MYH1: variants seen among roughly 807,000 people sequenced by gnomAD.
MYH1 encodes the protein myosin-1.
A neutral mutation model predicts 225.6 loss-of-function variants in MYH1; 214 were observed. That is an observed-to-expected ratio of 0.95 (90% CI 0.85 to 1.06). The LOEUF is 1.06. Ranked by LOEUF, MYH1 falls within the 50% of genes least tolerant of loss-of-function variation. MYH1 has a pLI of 0.00. For missense variants in MYH1, 2,098 were observed against 2,344.2 expected (o/e 0.89, Z 2.17); for synonymous variants, 774 against 842.3 (o/e 0.92, Z 1.40).
At position 10,501,358 on chromosome 17, in the gene MYH1, G is replaced by A. The variant is rs541063624; in HGVS notation, c.3490C>T (p.Gln1164Ter). Reference protein sequence around the residue: ...LEEAGGATSAQIEMNKKREAE... With the variant: ...LEEAGGATSA ...TCCCGCTTCTTGTTCATCTCAATCTGGGCTGAGGTGGCCCCACCGGCTTCT... is the reference window on the plus strand; with the variant it reads ...TCCCGCTTCTTGTTCATCTCAATCTAGGCTGAGGTGGCCCCACCGGCTTCT... The change falls in exon 27 of 40, where the codon CAG becomes TAG. Residue 1164 changes from glutamine (Q) to a stop codon, truncating the protein, a stop_gained. Transcript: ENST00000226207. LOFTEE classifies it high-confidence loss of function. 6.2e-7 allele frequency: 1 copy of A among 1,614,084 alleles called. No homozygotes were observed. Among genetic ancestry groups the A allele is most frequent in the East Asian group, 2.2e-5 (1 of 44,878 alleles).
rs543036753 is a variant in MYH1 at position 10,513,901 on chromosome 17, C to G, written c.661G>C (p.Asp221His). Residue 221 changes from aspartate (D) to histidine (H), a missense_variant, in exon 8 of 40, where the codon GAT becomes CAT. Transcript: ENST00000226207. ...TSGKMQGTLE[D>H]QIISANPLLE... ...AGGGGGTTGGCACTGATGATTTGAT[C>G]TTCCAGAGTCCCCTGCAAAGGCAAG... is the stretch of plus-strand genomic sequence containing the variant. 5 of 1,614,112 alleles carry G rather than the reference C, an allele frequency of 3.1e-6. No individual in the cohort carries two copies. The highest frequency in any genetic ancestry group is 3.3e-5 in the Admixed American group (2 of 60,008).
rs751257892 is a variant in MYH1 at position 10,503,070 on chromosome 17, T to C, written c.2870A>G (p.Asp957Gly). 5.0e-6 allele frequency: 8 copies of C among 1,613,098 alleles called. No homozygotes were observed. The African/African-American group carries it at 6.7e-5, about 13-fold the overall frequency. The part of the protein sequence containing the change: ...LEDECSELKK[D>G]IDDLELTLAK... ...CAGTGTCAGCTCAAGGTCATCAATGTCTTTCTTGAGTTCTGAACATTCATC... is the reference window on the plus strand; with the variant it reads ...CAGTGTCAGCTCAAGGTCATCAATGCCTTTCTTGAGTTCTGAACATTCATC... Residue 957 changes from aspartate (D) to glycine (G), a missense_variant, in exon 23 of 40, where the codon GAC (aspartate) becomes GGC (glycine). Asp to Gly is a moderately conservative substitution (Grantham distance 94). Transcript: ENST00000226207.
In MYH1 at chr17:10,512,756, G is replaced by T. The variant is rs571999841; in HGVS notation, c.933C>A (p.Tyr311Ter). Residue 311 changes from tyrosine (Y) to a stop codon, truncating the protein, a stop_gained, in exon 11 of 40, where the codon TAC becomes TAA. Transcript: ENST00000226207. LOFTEE classifies it high-confidence loss of function. ...CCCCTTGACTGACGAAGGCATAATC[G>T]TATGGGTTGGTGGTGATCAGGAGCA... ...IEMLLITTNP[Y>*]DYAFVSQGEI... The T allele has an allele frequency of 1.2e-6, 2 of 1,613,998 alleles. No homozygotes were observed. The highest frequency in any genetic ancestry group is 2.7e-5 in the African/African-American group (2 of 74,994).
chr17:10,516,047 G>C lies in MYH1; in HGVS notation c.384C>G (p.Pro128=). ...YSGLFCVTVN[P]YKWLPVYNAE... ...CATTATACACTGGCAACCACTTGTA[G>C]GGGTTGACAGTGACACAGAACAAGC... Residue 128 remains proline (P), a synonymous_variant, in exon 5 of 40, where the codon CCC becomes CCG. Coordinates refer to ENST00000226207, the MANE Select transcript of MYH1 (RefSeq NM_005963.4). 1 of 1,614,176 alleles carries C rather than the reference G, an allele frequency of 6.2e-7. No individual in the cohort carries two copies. The highest frequency in any genetic ancestry group is 8.5e-7 in the Non-Finnish European group (1 of 1,180,038).
chr17:10,502,526 G>C (rs996115727), intron 24 of MYH1, among the ~76,000 whole-genome samples: 1 of 151,722 alleles, frequency 6.6e-6, no homozygotes, highest in African/African-American at 2.4e-5. Flanking sequence ...CTTTTTACCC[G>C]TATTGTCTAT....
rs570311404 is a variant in MYH1, at chr17:10,501,428, G to C, written c.3420C>G (p.Arg1140=). The change falls in exon 27 of 40, where the codon CGC becomes CGG. Residue 1140 remains arginine (R), a synonymous_variant. Transcript: ENST00000226207. ...RASRAKAEKQ[R]SDLSRELEEI... ...CCTCCAGCTCCCGGGAGAGATCAGA[G>C]CGCTGCTTCTCTGCTTTGGCCCGGG... 6 of 1,614,242 alleles carry C rather than the reference G, an allele frequency of 3.7e-6. No individual in the cohort carries two copies. In the South Asian group the frequency reaches 5.5e-5, roughly 15 times the overall value.
chr17:10,509,425 T>A (rs940422926), intron 15 of MYH1, 60 bp downstream of exon 15: 2 of 1,604,050 alleles, frequency 1.2e-6, no homozygotes, highest in Non-Finnish European at 1.7e-6. Flanking sequence ...CAAGATTTTA[T>A]GATTTTCTTT....
chr17:10,505,432 A>C lies in MYH1; in HGVS notation c.2254T>G (p.Ser752Ala). Residue 752 changes from serine (S) to alanine (A), a missense_variant, in exon 20 of 40, where the codon TCC becomes GCC. Coordinates refer to ENST00000226207, the MANE Select transcript of MYH1 (RefSeq NM_005963.4). The stretch of plus-strand genomic sequence containing the variant: ...TACTGGGTGTGGTCAATGTCAATGG[A>C]CCCCAGGAGCTTCTCTGAAGCCTTC... ...SKKASEKLLG[S>A]IDIDHTQYKF... 6.2e-7 allele frequency: 1 copy of C among 1,614,172 alleles called. No individual in the cohort carries two copies. Among genetic ancestry groups the C allele is most frequent in the Non-Finnish European group, 8.5e-7 (1 of 1,180,026 alleles).
chr17:10,513,516 G>T (rs2073192990), intron 9 of MYH1, 110 bp downstream of exon 9: 2 of 1,052,460 alleles, frequency 1.9e-6, no homozygotes, highest in Admixed American at 1.8e-5. Flanking sequence ...AAGCATGTTT[G>T]GCAGCAGACT....
chr17:10,506,758 G>C (rs929651819), intron 17 of MYH1, among the ~76,000 whole-genome samples: 1 of 152,174 alleles, frequency 6.6e-6, no homozygotes, highest in African/African-American at 2.4e-5. Context: ...CTCCCAAAGT[G>C]CTGGGATTAC....
intron 35 of MYH1, 116 bp downstream of exon 35, chr17:10,495,834 T>G (rs567984166): frequency 4.8e-6 from 6 of 1,256,476 alleles, no homozygotes; most frequent in Non-Finnish European, 6.5e-6. Flanking sequence ...AATAAAATAT[T>G]TTAAACTTTA....
In MYH1 at chr17:10,501,260, C is replaced by A. The variant is rs1286272386; in HGVS notation, c.3588G>T (p.Leu1196=). Residue 1196 remains leucine (L), a synonymous_variant, in exon 27 of 40, where the codon CTG becomes CTT. Coordinates refer to ENST00000226207, the MANE Select transcript of MYH1 (RefSeq NM_005963.4). The part of the protein sequence containing the change: ...TLQHEATAAT[L]RKKHADSVAE... ...CCACACTATCTGCATGCTTCTTCCTCAGGGTGGCCGCCGTGGCTTCATGCT... is the reference window on the plus strand; with the variant it reads ...CCACACTATCTGCATGCTTCTTCCTAAGGGTGGCCGCCGTGGCTTCATGCT... 4 of 1,614,228 alleles carry A rather than the reference C, an allele frequency of 2.5e-6. No homozygotes were observed. Among genetic ancestry groups the A allele is most frequent in the Non-Finnish European group, 3.4e-6 (4 of 1,180,034 alleles).
At position 10,501,299 on chromosome 17, in the gene MYH1, C is replaced by T. The variant is rs1159016666; in HGVS notation, c.3549G>A (p.Glu1183=). 3 of 1,614,232 alleles carry T rather than the reference C, an allele frequency of 1.9e-6. No individual in the cohort carries two copies. The South Asian group carries it at 3.3e-5, about 18-fold the overall frequency. The change falls in exon 27 of 40, where the codon GAG becomes GAA. Residue 1183 remains glutamate (E), a synonymous_variant. Coordinates refer to ENST00000226207, the MANE Select transcript of MYH1 (RefSeq NM_005963.4). The part of the protein sequence containing the change: ...AEFQKMRRDL[E]EATLQHEATA... ...TGGCTTCATGCTGTAGGGTGGCCTC[C>T]TCCAGGTCCCTGCGCATTTTCTGGA... is the stretch of plus-strand genomic sequence containing the variant.
At chr17:10,500,987 T>C in intron 27 of MYH1, 123 bp downstream of exon 27, 1 of 1,475,764 alleles carries the variant, frequency 6.8e-7, no homozygotes, top group Admixed American at 2.0e-5. Context: ...TAAGTTGTAC[T>C]ATACGTGATA....
At position 10,516,646 on chromosome 17, in the gene MYH1, T is replaced by G. The variant is rs539877614; in HGVS notation, c.-4A>C. 3 of 1,614,214 alleles carry G rather than the reference T, an allele frequency of 1.9e-6. No homozygotes were observed. The highest frequency in any genetic ancestry group is 2.2e-5 in the East Asian group (1 of 44,884). Reference sequence around the variant, plus strand: ...CCATCTCAGAGTCGGAACTCATGGCTGCAGGTTATTGATGGTAGCCCAGTT... The same window carrying G: ...CCATCTCAGAGTCGGAACTCATGGCGGCAGGTTATTGATGGTAGCCCAGTT... On this transcript the variant is annotated 5_prime_UTR_variant, in exon 3 of 40. Transcript: ENST00000226207.
chr17:10,496,936 A>G, intron 33 of MYH1, 133 bp downstream of exon 33: 1 of 1,188,034 alleles, frequency 8.4e-7, no homozygotes, highest in Non-Finnish European at 1.2e-6. Flanking sequence ...TGTATGCATG[A>G]TCAGTTCTCC....
chr17:10,495,916 C>G (rs2072987313), intron 35 of MYH1, 34 bp downstream of exon 35: 1 of 1,612,236 alleles, frequency 6.2e-7, no homozygotes, highest in African/African-American at 1.3e-5. Context: ...TTTTCATACC[C>G]TTGTATTTGT....
intron 27 of MYH1, 112 bp from the exon 28 acceptor site, chr17:10,500,864 A>G: frequency 1.3e-6 from 2 of 1,495,312 alleles, no homozygotes; most frequent in Non-Finnish European, 1.8e-6. Context: ...TTGAGAAGAA[A>G]CTATCTTTAC....
Position 10,504,795 on chromosome 17 carries a change from C to T in MYH1, c.2691+15G>A. 1 of 1,613,072 alleles carries T rather than the reference C, an allele frequency of 6.2e-7. No individual in the cohort carries two copies. Among genetic ancestry groups the T allele is most frequent in the Non-Finnish European group, 8.5e-7 (1 of 1,179,632 alleles). ...TTTAGCATCAGATTGCAGGAAATGACTTCGGGATACTCACAGCTTGAACCT... is the reference window on the plus strand; with the variant it reads ...TTTAGCATCAGATTGCAGGAAATGATTTCGGGATACTCACAGCTTGAACCT... On this transcript the variant is annotated intron_variant, in intron 22 of 39. Coordinates refer to ENST00000226207, the MANE Select transcript of MYH1 (RefSeq NM_005963.4).
Sources: allele counts gnomAD v4.1 joint callset (sites outside exome capture counted in the v4.1 genomes callset), GRCh38; gene constraint gnomAD v4.1.1; transcripts MANE v1.5; gene names NCBI Gene and HGNC (gene_info 2026-07-23, HGNC 2026-07-21).